Variants in TANC2 observed in about 807,000 individuals in gnomAD.
The protein encoded by TANC2 is tetratricopeptide repeat, ankyrin repeat and coiled-coil containing 2.
TANC2 carries 26 observed loss-of-function variants against 210.5 expected under a neutral mutation model. That is an observed-to-expected ratio of 0.12 (90% CI 0.09 to 0.17). The LOEUF (loss-of-function observed/expected upper bound fraction) is 0.17, where lower values mean the gene tolerates loss of function less well. TANC2 is among the 10% of genes least tolerant of loss of function. The pLI, the probability that TANC2 is intolerant of heterozygous loss-of-function variation, is 1.00. For missense variants in TANC2, 2,129 were observed against 2,608.9 expected, an observed-to-expected ratio of 0.82 and a Z score of 4.01; for synonymous variants, 931 against 967.1, an observed-to-expected ratio of 0.96 and a Z score of 0.69.
At chr17:63,341,917 A>T (rs1432105587) in intron 12 of TANC2, among the ~76,000 whole-genome samples, 1 of 152,304 alleles carries the variant, frequency 6.6e-6, no homozygotes, top group East Asian at 1.9e-4. Context: ...ATCCTTAGGA[A>T]CCCTGTGTTT....
intron 5 of TANC2, among the ~76,000 whole-genome samples, chr17:63,178,559 A>G (rs1243760762): frequency 1.3e-5 from 2 of 152,222 alleles, no homozygotes; most frequent in Admixed American, 1.3e-4. Context: ...AATTCAGGTA[A>G]TCGTTCGAGA....
At chr17:63,260,783 T>A (rs1364239348) in intron 8 of TANC2, among the ~76,000 whole-genome samples, 1 of 152,104 alleles carries the variant, frequency 6.6e-6, no homozygotes, top group African/African-American at 2.4e-5. Flanking sequence ...AAAATTTCTT[T>A]TGCATCTACA....
intron 14 of TANC2, among the ~76,000 whole-genome samples, chr17:63,373,384 A>C (rs2047328804): frequency 6.6e-6 from 1 of 152,234 alleles, no homozygotes; most frequent in African/African-American, 2.4e-5. Flanking sequence ...AGTTTATACT[A>C]TACAAATGAG....
At chr17:63,323,199 T>C (rs1198691065) in intron 11 of TANC2, among the ~76,000 whole-genome samples, 2 of 152,226 alleles carry the variant, frequency 1.3e-5, no homozygotes, top group Non-Finnish European at 2.9e-5. Context: ...TAGACTAACA[T>C]GAAAATTTAA....
intron 8 of TANC2, among the ~76,000 whole-genome samples, chr17:63,249,258 A>C (rs2042994333): frequency 6.6e-6 from 1 of 152,210 alleles, no homozygotes; most frequent in African/African-American, 2.4e-5. Flanking sequence ...CCTTTAAATT[A>C]AAATTCTAAA....
intron 2 of TANC2, among the ~76,000 whole-genome samples, chr17:63,021,930 A>T (rs915409310): frequency 6.6e-6 from 1 of 152,234 alleles, no homozygotes; most frequent in African/African-American, 2.4e-5. Context: ...ATGAGATTTC[A>T]GAGGTAAATG....
chr17:63,367,969 CGAAAT>C (rs1295915926), intron 14 of TANC2, among the ~76,000 whole-genome samples: 1 of 151,958 alleles, frequency 6.6e-6, no homozygotes, highest in Non-Finnish European at 1.5e-5. Flanking sequence ...GAAGATGAGT[CGAAAT>C]GAAGGGAAGA....
chr17:63,145,407 T>C (rs2145351418), intron 4 of TANC2, among the ~76,000 whole-genome samples: 1 of 152,310 alleles, frequency 6.6e-6, no homozygotes, highest in South Asian at 2.1e-4. Context: ...ATTCTGCATA[T>C]GAAAGCTTTG....
At chr17:63,382,002 A>G (rs894542262) in intron 15 of TANC2, among the ~76,000 whole-genome samples, 2 of 152,198 alleles carry the variant, frequency 1.3e-5, no homozygotes, top group African/African-American at 2.4e-5. Context: ...ATTTTTGGCT[A>G]CATCCTGGCT....
chr17:63,028,318 G>A (rs2034635758), intron 2 of TANC2, among the ~76,000 whole-genome samples: 1 of 152,028 alleles, frequency 6.6e-6, no homozygotes, highest in Admixed American at 6.6e-5. Context: ...CTACTCTCAG[G>A]GTCTCCAGCT....
intron 9 of TANC2, among the ~76,000 whole-genome samples, chr17:63,273,070 G>A (rs866453378): frequency 6.6e-6 from 1 of 152,168 alleles, no homozygotes; most frequent in Non-Finnish European, 1.5e-5. Context: ...ACTTGAGCCA[G>A]AAGTTCAAGA....
chr17:63,169,983 G>T (rs2040345391), intron 5 of TANC2, among the ~76,000 whole-genome samples: 1 of 150,206 alleles, frequency 6.7e-6, no homozygotes, highest in Non-Finnish European at 1.5e-5. Context: ...GCCAGGCGCG[G>T]TGGCAGGTGC....
At chr17:62,988,146 G>C (rs1598196275) in intron 1 of TANC2, among the ~76,000 whole-genome samples, 1 of 152,052 alleles carries the variant, frequency 6.6e-6, no homozygotes, top group African/African-American at 2.4e-5. Flanking sequence ...ATTTTATTTT[G>C]AGACATAGTC....
chr17:62,996,427 A>G (rs1307689322), intron 1 of TANC2, among the ~76,000 whole-genome samples: 2 of 152,106 alleles, frequency 1.3e-5, no homozygotes. Context: ...GCAAATGCCA[A>G]CCTGTAACCA....
chr17:63,177,986 C>T (rs1174348096), intron 5 of TANC2, among the ~76,000 whole-genome samples: 3 of 152,150 alleles, frequency 2.0e-5, no homozygotes, highest in African/African-American at 7.2e-5. Flanking sequence ...ATATTTCTTC[C>T]CTCTTCTATT....
chr17:63,054,135 A>G (rs547865342), intron 2 of TANC2, among the ~76,000 whole-genome samples: 1 of 152,332 alleles, frequency 6.6e-6, no homozygotes, highest in African/African-American at 2.4e-5. Context: ...TACATTTAAA[A>G]TGGTAGTACT....
chr17:63,347,100 C>T (rs2046439501), intron 12 of TANC2, among the ~76,000 whole-genome samples: 1 of 152,150 alleles, frequency 6.6e-6, no homozygotes, highest in African/African-American at 2.4e-5. Context: ...CATATGTCTA[C>T]AAAACACTTG....
At chr17:63,131,850 C>G (rs570108390) in intron 4 of TANC2, among the ~76,000 whole-genome samples, 5 of 152,194 alleles carry the variant, frequency 3.3e-5, no homozygotes, top group African/African-American at 1.2e-4. Flanking sequence ...CTCCAGGGTT[C>G]CATCAAGATT....
At chr17:63,186,352 T>C (rs910250889) in intron 5 of TANC2, among the ~76,000 whole-genome samples, 59 of 53,722 alleles carry the variant, frequency 1.1e-3, no homozygotes, top group African/African-American at 2.9e-3. Flanking sequence ...CTCTCTCTCT[T>C]TTTTTTTTTT....
Sources: allele counts gnomAD v4.1 joint callset (sites outside exome capture counted in the v4.1 genomes callset), GRCh38; gene constraint gnomAD v4.1.1; transcripts MANE v1.5; gene names NCBI Gene and HGNC (gene_info 2026-07-23, HGNC 2026-07-21).